MKNK1: variants seen among roughly 807,000 people sequenced by gnomAD.
MKNK1 encodes MAPK interacting serine/threonine kinase 1, also known as MAP kinase-interacting serine/threonine-protein kinase 1.
In MKNK1, 30 loss-of-function variants were observed where a neutral mutation model predicts 49.3. That is an observed-to-expected ratio of 0.61 (90% confidence interval 0.46 to 0.83). The LOEUF (loss-of-function observed/expected upper bound fraction) is 0.83, where lower values mean the gene tolerates loss of function less well. Among genes scored for constraint, MKNK1 ranks in the 40% least tolerant of loss-of-function variants. The pLI is 0.00. For missense variants in MKNK1, 423 were observed against 524.7 expected, an observed-to-expected ratio of 0.81 and a Z score of 1.89; for synonymous variants, 176 against 201.7, an observed-to-expected ratio of 0.87 and a Z score of 1.08.
At position 46,560,253 on chromosome 1, in the gene MKNK1, T is replaced by C; in HGVS notation, c.994A>G (p.Thr332Ala). 1.2e-6 allele frequency: 2 copies of C among 1,614,036 alleles called. No individual in the cohort carries two copies. Among genetic ancestry groups the C allele is most frequent in the Non-Finnish European group, 8.5e-7 (1 of 1,179,982 alleles). ...QGQAPEKGLP[T>A]PQVLQRNSST... ...ATTTACCTCTGGAGGACTTGCGGCGTGGGGAGTCCCTTTTCTGGAGCTTGC... is the reference window on the plus strand; with the variant it reads ...ATTTACCTCTGGAGGACTTGCGGCGCGGGGAGTCCCTTTTCTGGAGCTTGC... The change falls in exon 12 of 13, where the codon ACG (threonine) becomes GCG (alanine). Residue 332 changes from threonine (T) to alanine (A), a missense_variant. Transcript: ENST00000371945.
intron 1 of MKNK1, among the ~76,000 whole-genome samples, chr1:46,602,576 C>A (rs138806045): frequency 6.6e-6 from 1 of 152,216 alleles, no homozygotes; most frequent in East Asian, 1.9e-4. Flanking sequence ...GTCCAACCCG[C>A]GGCCCTGGAT....
chr1:46,559,754 C>T, intron 12 of MKNK1: 1 of 168,626 alleles, frequency 5.9e-6, no homozygotes, highest in South Asian at 1.4e-4. Context: ...AAGCGATTCT[C>T]CTGCCTCAGC....
chr1:46,598,938 T>C (rs1674398568), intron 1 of MKNK1, among the ~76,000 whole-genome samples: 2 of 152,208 alleles, frequency 1.3e-5, no homozygotes, highest in Non-Finnish European at 2.9e-5. Context: ...ACTCCTCTGA[T>C]TATCAGCATC....
chr1:46,568,420 A>G, intron 8 of MKNK1, 23 bp downstream of exon 8: 5 of 1,612,140 alleles, frequency 3.1e-6, no homozygotes, highest in Non-Finnish European at 4.2e-6. Context: ...AAACTATAAC[A>G]TTCCAAATCA....
chr1:46,592,056 A>G (rs1375646954), intron 2 of MKNK1, among the ~76,000 whole-genome samples: 2 of 152,190 alleles, frequency 1.3e-5, no homozygotes, highest in Non-Finnish European at 2.9e-5. Flanking sequence ...CCTGGCCAAC[A>G]TGGCAAAACT....
intron 1 of MKNK1, among the ~76,000 whole-genome samples, chr1:46,601,834 G>A (rs1277982294): frequency 2.0e-5 from 3 of 152,328 alleles, no homozygotes; most frequent in South Asian, 2.1e-4. Flanking sequence ...GACAGAGGAG[G>A]AAGGAAAGAG....
At chr1:46,583,028 TGA>T in intron 3 of MKNK1, 198 bp downstream of exon 3, 1 of 678,538 alleles carries the variant, frequency 1.5e-6, no homozygotes, top group Non-Finnish European at 2.7e-6. Context: ...GTGCATCATC[TGA>T]GAGCTTTTTC....
rs1471658327 is a variant in MKNK1, at chr1:46,585,919, G to C, written c.-2-2590C>G. ...TTCAATGAAAGAGGGTACGCCAGAA[G>C]GGACAAATGGTTAAGACTTTCCTTG... On this transcript the variant is annotated intron_variant, in intron 2 of 12. Coordinates refer to ENST00000371945, the MANE Select transcript of MKNK1 (RefSeq NM_001135553.4). 4 of 1,365,742 alleles carry C rather than the reference G, an allele frequency of 2.9e-6. No homozygotes were observed. In the African/African-American group the frequency reaches 5.9e-5, roughly 20 times the overall value. The allele number at this position is 1,365,742 out of a possible 1,614,324, so 84.6% of individuals were successfully genotyped here.
chr1:46,602,304 C>T (rs1363913504), intron 1 of MKNK1, among the ~76,000 whole-genome samples: 1 of 152,112 alleles, frequency 6.6e-6, no homozygotes, highest in Admixed American at 6.5e-5. Flanking sequence ...TCCAGCTACT[C>T]AGGAGGCTGA....
At chr1:46,562,312 C>G (rs1194246745) in intron 10 of MKNK1, among the ~76,000 whole-genome samples, 1 of 146,198 alleles carries the variant, frequency 6.8e-6, no homozygotes, top group Non-Finnish European at 1.5e-5. Flanking sequence ...AGGAGAATCG[C>G]TTGAACCCAG....
intron 7 of MKNK1, chr1:46,571,379 A>C (rs1218246269): frequency 3.6e-6 from 1 of 274,484 alleles, no homozygotes; most frequent in Non-Finnish European, 7.2e-6. Flanking sequence ...CCCCATCTCT[A>C]CAAAAAAATA....
At chr1:46,559,165 A>T (rs1667487309) in intron 12 of MKNK1, among the ~76,000 whole-genome samples, 1 of 152,230 alleles carries the variant, frequency 6.6e-6, no homozygotes, top group African/African-American at 2.4e-5. Flanking sequence ...AAAAGCTCCC[A>T]GAGCAAGGCC....
intron 1 of MKNK1, among the ~76,000 whole-genome samples, chr1:46,602,329 T>C (rs1452878794): frequency 6.6e-6 from 1 of 152,178 alleles, no homozygotes; most frequent in Non-Finnish European, 1.5e-5. Context: ...GGAGAATCAC[T>C]TGAACCTGGG....
intron 1 of MKNK1, chr1:46,594,724 G>C (rs1325050432): frequency 7.3e-6 from 2 of 275,100 alleles, no homozygotes; most frequent in African/African-American, 4.7e-5. Flanking sequence ...GCCAGGTGTG[G>C]TGGCTCATGC....
chr1:46,583,379 T>G, intron 2 of MKNK1, 50 bp from the exon 3 acceptor site: 1 of 1,414,612 alleles, frequency 7.1e-7, no homozygotes, highest in Non-Finnish European at 9.8e-7. Flanking sequence ...CTGATCAAGC[T>G]GTAAATTTAC....
chr1:46,572,631 C>T (rs958643700), intron 6 of MKNK1, among the ~76,000 whole-genome samples: 4 of 152,002 alleles, frequency 2.6e-5, no homozygotes, highest in Admixed American at 6.6e-5. Flanking sequence ...GGGCCTGGTA[C>T]GGAGGAGGTA....
intron 4 of MKNK1, among the ~76,000 whole-genome samples, chr1:46,577,840 C>A (rs539712275): frequency 6.6e-6 from 1 of 152,228 alleles, no homozygotes; most frequent in African/African-American, 2.4e-5. Flanking sequence ...CACTGCACAC[C>A]GAGCCTGTGA....
Position 46,561,460 on chromosome 1 carries a change from C to A in MKNK1, c.969+18G>T, listed in dbSNP as rs199947752. ...AGGCCTGAAGTGGTGGAAAACACCC[C>A]TCCCTGGAGTCACTCACCCCCTGCA... On this transcript the variant is annotated intron_variant, in intron 11 of 12. Transcript: ENST00000371945. 70 of 1,590,386 alleles carry A rather than the reference C, an allele frequency of 4.4e-5. No homozygotes were observed. The highest frequency in any genetic ancestry group is 3.7e-4 in the Middle Eastern group (2 of 5,424).
At position 46,585,057 on chromosome 1, in the gene MKNK1, C is replaced by T. The variant is rs913478738; in HGVS notation, c.-2-1728G>A. Among the ~76,000 whole-genome samples, 52 of 151,726 alleles carry T rather than the reference C, an allele frequency of 3.4e-4. 1 individual carries two copies. Among genetic ancestry groups the T allele is most frequent in the African/African-American group, 8.9e-4 (37 of 41,414 alleles). ...CTTGAGGTCAGAAGTTCGAGACCAT[C>T]GTGGCCAACATGGTGAAACCTGTCT... is the stretch of plus-strand genomic sequence containing the variant. On this transcript the variant is annotated intron_variant, in intron 2 of 12. Transcript: ENST00000371945.
Sources: allele counts gnomAD v4.1 joint callset (sites outside exome capture counted in the v4.1 genomes callset), GRCh38; gene constraint gnomAD v4.1.1; transcripts MANE v1.5; gene names NCBI Gene and HGNC (gene_info 2026-07-23, HGNC 2026-07-21).